The following PSD2 variants were observed in gnomAD, a reference collection of about 807,000 sequenced individuals.
The protein encoded by PSD2 is pleckstrin and Sec7 domain containing 2.
In PSD2, 38 loss-of-function variants were observed where a neutral mutation model predicts 69.8. The observed-to-expected ratio is 0.54, with a 90% CI of 0.42 to 0.71. The LOEUF (loss-of-function observed/expected upper bound fraction) is 0.71, where lower values mean the gene tolerates loss of function less well. PSD2 is among the 30% of genes least tolerant of loss of function. The probability of loss-of-function intolerance (pLI) is 0.00; values close to 1 mark genes in which losing one functional copy is unlikely to be tolerated. For missense variants in PSD2, 943 were observed against 1,014.5 expected, an observed-to-expected ratio of 0.93 and a Z score of 0.96; for synonymous variants, 412 against 423.0, an observed-to-expected ratio of 0.97 and a Z score of 0.32.
At chr5:139,766,302 G>A in the PSD2 span, among the ~76,000 whole-genome samples, 2 of 152,284 alleles carry the variant, frequency 1.3e-5, no homozygotes, top group South Asian at 4.1e-4. Flanking sequence ...GTTCTATCTG[G>A]CCCTAAGCCT....
chr5:139,754,470 ATCGCTTG>A, the PSD2 span, among the ~76,000 whole-genome samples: 1 of 151,586 alleles, frequency 6.6e-6, no homozygotes, highest in Non-Finnish European at 1.5e-5. Context: ...GGCTGGACAG[ATCGCTTG>A]AGCTCAGGAG....
At chr5:139,802,423 G>A (rs1759697734) in intron 1 of PSD2, among the ~76,000 whole-genome samples, 1 of 151,942 alleles carries the variant, frequency 6.6e-6, no homozygotes, top group Non-Finnish European at 1.5e-5. Flanking sequence ...GGCTGGGCTG[G>A]TTGGGAGGAT....
chr5:139,840,177 C>T lies in PSD2; in HGVS notation c.2112+7C>T. On this transcript the variant is annotated splice_region_variant and intron_variant, in intron 14 of 14. Transcript: ENST00000274710. ...GCACTATCTCACCTTCGAGGTGAGC[C>T]TTGGGGGACTGGATTGCAAAGCCCA... 1 of 1,613,520 alleles carries T rather than the reference C, an allele frequency of 6.2e-7. No homozygotes were observed.
chr5:139,744,481 T>G, the PSD2 span, among the ~76,000 whole-genome samples: 1 of 152,084 alleles, frequency 6.6e-6, no homozygotes, highest in African/African-American at 2.4e-5. Context: ...CCCATGCCCC[T>G]CATTCCCCCG....
At chr5:139,759,355 C>T in the PSD2 span, among the ~76,000 whole-genome samples, 5 of 152,012 alleles carry the variant, frequency 3.3e-5, 1 homozygote, top group South Asian at 2.1e-4. Flanking sequence ...GTTTCCCCCA[C>T]ATTCTCCCTG....
chr5:139,831,010 G>A (rs994534087), intron 7 of PSD2, among the ~76,000 whole-genome samples: 7 of 151,802 alleles, frequency 4.6e-5, no homozygotes, highest in African/African-American at 1.7e-4. Context: ...TGTTCTTCCT[G>A]TTACTAAGAG....
chr5:139,818,080 A>C (rs116759637), intron 5 of PSD2, among the ~76,000 whole-genome samples: 1,905 of 152,172 alleles, frequency 0.013, 42 homozygotes, highest in African/African-American at 0.044. Flanking sequence ...GGAGGGTAGA[A>C]TGGATGGGTG....
chr5:139,809,983 C>T lies in PSD2; in HGVS notation c.371+172C>T, dbSNP rs933880164. On this transcript the variant is annotated intron_variant, in intron 2 of 14. Transcript: ENST00000274710. ...GTGTTTTGAAAGGACAGAGCCTTGA[C>T]GGAGAATTCAAAGGCCAGCAGATTG... Among the ~76,000 whole-genome samples, 62 of 151,644 alleles carry T rather than the reference C, an allele frequency of 4.1e-4. 1 individual carries two copies. Among genetic ancestry groups the T allele is most frequent in the African/African-American group, 1.3e-3 (55 of 41,252 alleles).
At chr5:139,787,355 A>C in the PSD2 span, among the ~76,000 whole-genome samples, 2 of 152,112 alleles carry the variant, frequency 1.3e-5, no homozygotes, top group African/African-American at 4.8e-5. Flanking sequence ...GCACAGACGA[A>C]GGGGGGCCTG....
At chr5:139,782,637 C>G in the PSD2 span, among the ~76,000 whole-genome samples, 1 of 151,904 alleles carries the variant, frequency 6.6e-6, no homozygotes, top group Non-Finnish European at 1.5e-5. Context: ...GGACTACAGG[C>G]GCATGCCACT....
chr5:139,757,360 G>A, the PSD2 span, among the ~76,000 whole-genome samples: 2 of 152,210 alleles, frequency 1.3e-5, no homozygotes, highest in African/African-American at 2.4e-5. Context: ...TGTGAAAGGG[G>A]GTTCACAAGC....
intron 1 of PSD2, among the ~76,000 whole-genome samples, chr5:139,799,904 G>A (rs1385338329): frequency 6.6e-6 from 1 of 152,166 alleles, no homozygotes; most frequent in Non-Finnish European, 1.5e-5. Context: ...GGAGATGGAG[G>A]TTTTGAGTGT....
the PSD2 span, among the ~76,000 whole-genome samples, chr5:139,752,196 G>A: frequency 5.6e-3 from 855 of 152,102 alleles, 10 homozygotes; most frequent in African/African-American, 0.015. Context: ...TACTGGTCAC[G>A]TCTCTCTCTA....
At chr5:139,818,328 T>A (rs1318329995) in intron 5 of PSD2, among the ~76,000 whole-genome samples, 1 of 152,176 alleles carries the variant, frequency 6.6e-6, no homozygotes, top group Non-Finnish European at 1.5e-5. Flanking sequence ...GAAGATTACC[T>A]GAGGCCAGGA....
intron 1 of PSD2, among the ~76,000 whole-genome samples, chr5:139,798,774 A>C (rs1313367225): frequency 6.6e-6 from 1 of 152,232 alleles, no homozygotes; most frequent in East Asian, 1.9e-4. Context: ...CTACAAAAAT[A>C]ATGCATTGTT....
chr5:139,828,265 AG>A (rs1204210394), intron 7 of PSD2, among the ~76,000 whole-genome samples: 1 of 149,664 alleles, frequency 6.7e-6, no homozygotes, highest in Non-Finnish European at 1.5e-5. Flanking sequence ...GAGAACCACC[AG>A]GGTTGAGGCA....
the PSD2 span, among the ~76,000 whole-genome samples, chr5:139,743,446 G>A: frequency 6.6e-6 from 1 of 152,200 alleles, no homozygotes; most frequent in East Asian, 1.9e-4. Flanking sequence ...TGTGTTTGGT[G>A]TGAGTGCTGG....
chr5:139,808,473 C>A (rs934662138), intron 1 of PSD2, among the ~76,000 whole-genome samples: 2 of 152,182 alleles, frequency 1.3e-5, no homozygotes, highest in Non-Finnish European at 2.9e-5. Context: ...GTGGGGCTGG[C>A]CTGGGCAGGC....
chr5:139,842,897 T>G lies in PSD2; in HGVS notation c.*423T>G. The G allele has an allele frequency of 6.1e-6, 1 of 162,932 alleles. No homozygotes were observed. Among genetic ancestry groups the G allele is most frequent in the Non-Finnish European group, 1.3e-5 (1 of 74,142 alleles). The allele number at this position is 162,932 out of a possible 1,614,324, so 10.1% of individuals were successfully genotyped here. A position where few individuals can be genotyped will look rare whatever the true frequency, so the allele number is the denominator to read the frequency against. On this transcript the variant is annotated 3_prime_UTR_variant, in exon 15 of 15. Coordinates refer to ENST00000274710, the MANE Select transcript of PSD2 (RefSeq NM_032289.4). ...GAACCCCACCCTTTCTCCTCCTCCTTCCTCTGAGTTGACCAGCAGCAGGTC... is the reference window on the plus strand; with the variant it reads ...GAACCCCACCCTTTCTCCTCCTCCTGCCTCTGAGTTGACCAGCAGCAGGTC...
Sources: allele counts gnomAD v4.1 joint callset (sites outside exome capture counted in the v4.1 genomes callset), GRCh38; gene constraint gnomAD v4.1.1; transcripts MANE v1.5; gene names NCBI Gene and HGNC (gene_info 2026-07-23, HGNC 2026-07-21).